Variants in FGF13 observed in about 807,000 individuals in gnomAD.
The protein encoded by FGF13 is fibroblast growth factor homologous factor 2.
In FGF13, 2 loss-of-function variants were observed where a neutral mutation model predicts 19.5. The ratio of observed to expected loss-of-function variants is 0.10; its 90% CI spans 0.04 to 0.32. The LOEUF is 0.32. Among genes scored for constraint, FGF13 ranks in the 10% least tolerant of loss-of-function variants. The probability of loss-of-function intolerance (pLI) is 1.00; values close to 1 mark genes in which losing one functional copy is unlikely to be tolerated. For missense variants in FGF13, 113 were observed against 192.7 expected, an observed-to-expected ratio of 0.59 and a Z score of 2.45; for synonymous variants, 72 against 76.9, an observed-to-expected ratio of 0.94 and a Z score of 0.33.
chrX:139,174,103 A>G (rs1033264215), intron 1 of FGF13, among the ~76,000 whole-genome samples: 2 of 112,256 alleles, frequency 1.8e-5, no homozygotes, highest in East Asian at 2.8e-4. Context: ...TCTAACTGGC[A>G]TGAGATGGTA....
rs775450121 is a variant in FGF13, at chrX:138,947,798, C to CTG, written c.-112-83150_-112-83149dup. The stretch of plus-strand genomic sequence containing the variant: ...TAAACCCCAGTACCTCGGAGGGTGA[C>CTG]TGTATTTGGAGATAGGCCTTTAAAT... On this transcript the variant is annotated intron_variant, in intron 1 of 2. Coordinates refer to the FGF13 transcript ENST00000421460. Among the ~76,000 whole-genome samples, 9 of 111,788 alleles carry CTG rather than the reference C, an allele frequency of 8.1e-5. No individual in the cohort carries two copies. In the South Asian group the frequency reaches 3.0e-3, roughly 37 times the overall value.
At chrX:138,665,982 A>C (rs1197631940) in intron 3 of FGF13, among the ~76,000 whole-genome samples, 2 of 111,783 alleles carry the variant, frequency 1.8e-5, no homozygotes, top group Admixed American at 1.9e-4. Flanking sequence ...CTCAGATGAG[A>C]AGTGAAACCA....
intron 1 of FGF13, among the ~76,000 whole-genome samples, chrX:138,918,963 C>T (rs1024664542): frequency 5.4e-5 from 6 of 111,347 alleles, no homozygotes; most frequent in African/African-American, 1.6e-4. Flanking sequence ...TTATGAGGTG[C>T]TTCCAAATTA....
chrX:139,125,387 C>G (rs1032720338), intron 1 of FGF13, among the ~76,000 whole-genome samples: 2 of 111,999 alleles, frequency 1.8e-5, no homozygotes, highest in Admixed American at 1.9e-4. Flanking sequence ...TGTAGTGTTC[C>G]ACCTGCCATT....
chrX:139,011,169 G>T (rs1316227242), intron 1 of FGF13, among the ~76,000 whole-genome samples: 1 of 110,559 alleles, frequency 9.0e-6, no homozygotes, highest in South Asian at 3.9e-4. Context: ...TTTAAAAATT[G>T]TCAGCAAAAT....
chrX:138,888,548 A>G (rs932654702), intron 1 of FGF13, among the ~76,000 whole-genome samples: 1 of 110,555 alleles, frequency 9.0e-6, no homozygotes, highest in East Asian at 2.8e-4. Flanking sequence ...TAAGGTTGGC[A>G]GCTGACATTT....
intron 1 of FGF13, among the ~76,000 whole-genome samples, chrX:139,166,100 G>A (rs1012856179): frequency 9.0e-6 from 1 of 111,555 alleles, no homozygotes; most frequent in Non-Finnish European, 1.9e-5. Context: ...GTGAGGACAT[G>A]AGATTTGGTA....
intron 3 of FGF13, among the ~76,000 whole-genome samples, chrX:138,826,956 C>T: frequency 8.9e-6 from 1 of 112,344 alleles, no homozygotes; most frequent in Middle Eastern, 4.7e-3. Context: ...AAAGACAAGC[C>T]ATAAGGCTTG....
chrX:139,013,609 A>C (rs2092140842), intron 1 of FGF13, among the ~76,000 whole-genome samples: 1 of 105,076 alleles, frequency 9.5e-6, no homozygotes, highest in Admixed American at 1.1e-4. Flanking sequence ...GGAGACTATT[A>C]TTCTAAGTGA....
chrX:138,892,455 G>A (rs2091482754), intron 1 of FGF13, among the ~76,000 whole-genome samples: 1 of 112,104 alleles, frequency 8.9e-6, no homozygotes, highest in Non-Finnish European at 1.9e-5. Flanking sequence ...AGAGGGTAAA[G>A]TGCTACAGAA....
chrX:138,762,365 T>C (rs1381024530), intron 3 of FGF13, among the ~76,000 whole-genome samples: 1 of 112,248 alleles, frequency 8.9e-6, no homozygotes, highest in Non-Finnish European at 1.9e-5. Context: ...TAAATACTTA[T>C]TTAATGAAAG....
intron 1 of FGF13, among the ~76,000 whole-genome samples, chrX:138,937,872 G>A (rs746528831): frequency 8.9e-6 from 1 of 112,026 alleles, no homozygotes; most frequent in African/African-American, 3.2e-5. Flanking sequence ...ATTGGAGATA[G>A]AAATATAGAC....
At chrX:138,979,447 A>C (rs1275781187) in intron 1 of FGF13, among the ~76,000 whole-genome samples, 1 of 109,829 alleles carries the variant, frequency 9.1e-6, no homozygotes, top group African/African-American at 3.3e-5. Flanking sequence ...TTTAGGGTAC[A>C]TGTAAACAAT....
chrX:139,051,798 T>C (rs944810743), intron 1 of FGF13, among the ~76,000 whole-genome samples: 1 of 112,427 alleles, frequency 8.9e-6, no homozygotes, highest in Non-Finnish European at 1.9e-5. Flanking sequence ...TTAGCACTGA[T>C]ATCTGAGAGT....
At chrX:138,788,693 G>GT (rs2090714282) in intron 3 of FGF13, among the ~76,000 whole-genome samples, 1 of 112,071 alleles carries the variant, frequency 8.9e-6, no homozygotes, top group African/African-American at 3.2e-5. Flanking sequence ...CAAACTGTCA[G>GT]TTTTTTCTAT....
chrX:138,988,636 C>A (rs2092002958), intron 1 of FGF13, among the ~76,000 whole-genome samples: 1 of 112,290 alleles, frequency 8.9e-6, no homozygotes, highest in Admixed American at 9.4e-5. Context: ...GCAACATGTG[C>A]ATCACACAGA....
At chrX:139,086,205 T>A (rs2083402507) in intron 1 of FGF13, among the ~76,000 whole-genome samples, 2 of 111,934 alleles carry the variant, frequency 1.8e-5, no homozygotes, top group Non-Finnish European at 3.8e-5. Context: ...TCTCTCAAAG[T>A]AGCCAAAACT....
In FGF13 at chrX:139,170,644, C is replaced by T. The variant is rs747192247; in HGVS notation, c.-113+32772G>A. Among the ~76,000 whole-genome samples, 3 of 111,677 alleles carry T rather than the reference C, an allele frequency of 2.7e-5. No individual in the cohort carries two copies. In the South Asian group the frequency reaches 1.1e-3, roughly 42 times the overall value. On this transcript the variant is annotated intron_variant, in intron 1 of 2. Coordinates refer to the FGF13 transcript ENST00000421460. The stretch of plus-strand genomic sequence containing the variant: ...ATCACTTTCATGCAAGCTTCCTTGA[C>T]GATGCTCCAGCTTTCACACCTTGGC...
intron 1 of FGF13, among the ~76,000 whole-genome samples, chrX:139,136,007 T>C (rs2083797096): frequency 8.9e-6 from 1 of 111,827 alleles, no homozygotes; most frequent in African/African-American, 3.3e-5. Flanking sequence ...TCTCTTTTCT[T>C]CCCACTTCAG....
Sources: allele counts gnomAD v4.1 joint callset (sites outside exome capture counted in the v4.1 genomes callset), GRCh38; gene constraint gnomAD v4.1.1; transcripts MANE v1.5; gene names NCBI Gene and HGNC (gene_info 2026-07-23, HGNC 2026-07-21).